Variants in TENT4B observed in about 807,000 individuals in gnomAD.
TENT4B encodes the protein PAP associated domain containing 5.
In TENT4B, 10 loss-of-function variants were observed where a neutral mutation model predicts 75.0. That is an observed-to-expected ratio of 0.13 (90% CI 0.08 to 0.23). The LOEUF (loss-of-function observed/expected upper bound fraction) is 0.23, where lower values mean the gene tolerates loss of function less well. TENT4B is among the 10% of genes least tolerant of loss of function. The probability of loss-of-function intolerance (pLI) is 1.00; values close to 1 mark genes in which losing one functional copy is unlikely to be tolerated. For synonymous variants in TENT4B, 350 were observed against 357.7 expected (o/e 0.98, Z 0.24); for missense variants, 579 against 893.8 (o/e 0.65, Z 4.49).
At chr16:50,201,175 A>G (rs762536143) in intron 1 of TENT4B, among the ~76,000 whole-genome samples, 8 of 152,158 alleles carry the variant, frequency 5.3e-5, no homozygotes, top group Non-Finnish European at 8.8e-5. Context: ...TGTACACATT[A>G]TGTTTTTGGT....
At chr16:50,165,909 G>C (rs946861960) in intron 1 of TENT4B, among the ~76,000 whole-genome samples, 5 of 152,038 alleles carry the variant, frequency 3.3e-5, no homozygotes, top group African/African-American at 1.2e-4. Flanking sequence ...TTATGTGAAC[G>C]TGTTTTCATT....
intron 1 of TENT4B, among the ~76,000 whole-genome samples, chr16:50,205,555 T>G: frequency 7.8e-6 from 1 of 128,464 alleles, no homozygotes; most frequent in African/African-American, 2.9e-5. Flanking sequence ...TGTGTTTACA[T>G]GTCTTTTTTT....
chr16:50,184,702 T>C (rs933452387), intron 1 of TENT4B, among the ~76,000 whole-genome samples: 8 of 151,884 alleles, frequency 5.3e-5, no homozygotes, highest in Non-Finnish European at 7.4e-5. Flanking sequence ...GCTGCCATCA[T>C]GCTTGAGGGT....
In TENT4B at chr16:50,178,390, G is replaced by A. The variant is rs1472211667; in HGVS notation, c.638+24131G>A. On this transcript the variant is annotated intron_variant, in intron 1 of 11. Transcript: ENST00000561678. ...AGCCCTGGAGGTTGAGGCTACATGA[G>A]CCATGATCGCACCACTGTACTCCAG... 4.6e-5 allele frequency among the ~76,000 whole-genome samples: 7 copies of A among 151,898 alleles called. No individual in the cohort carries two copies. The East Asian group carries it at 1.2e-3, about 25-fold the overall frequency.
chr16:50,205,539 T>C (rs999809196), intron 1 of TENT4B, among the ~76,000 whole-genome samples: 2 of 144,620 alleles, frequency 1.4e-5, no homozygotes, highest in Non-Finnish European at 3.0e-5. Flanking sequence ...TCTGCCTCTG[T>C]GTGTATGTGT....
At chr16:50,194,157 T>A (rs1233323538) in intron 1 of TENT4B, among the ~76,000 whole-genome samples, 1 of 152,156 alleles carries the variant, frequency 6.6e-6, no homozygotes, top group Non-Finnish European at 1.5e-5. Context: ...TTTTTTTCTC[T>A]TTTGAGATAG....
chr16:50,210,400 A>T (rs945407882), intron 1 of TENT4B, among the ~76,000 whole-genome samples: 4 of 152,120 alleles, frequency 2.6e-5, no homozygotes, highest in Admixed American at 2.6e-4. Flanking sequence ...CCCCACCACC[A>T]TGATAGTCAG....
Position 50,153,575 on chromosome 16 carries a change from C to G in TENT4B, c.-47C>G, listed in dbSNP as rs2037820533. On this transcript the variant is annotated 5_prime_UTR_variant, in exon 1 of 12. Coordinates refer to ENST00000561678, the MANE Select transcript of TENT4B (RefSeq NM_001365324.3). ...GCGCCTGAGGCGGCGGCGGCGGCGG[C>G]CCTGCGGGCGGCCGGGAGGGGCGGG... 1.0e-6 allele frequency: 1 copy of G among 978,288 alleles called. No homozygotes were observed. Among genetic ancestry groups the G allele is most frequent in the Non-Finnish European group, 1.2e-6 (1 of 827,122 alleles). 60.6% of individuals were successfully genotyped at this position (978,288 alleles called of 1,614,324 possible).
At chr16:50,206,821 C>T (rs902275036) in intron 1 of TENT4B, among the ~76,000 whole-genome samples, 2 of 152,048 alleles carry the variant, frequency 1.3e-5, no homozygotes, top group Non-Finnish European at 2.9e-5. Flanking sequence ...TTGAACCTCC[C>T]ACCCCATGAC....
intron 1 of TENT4B, among the ~76,000 whole-genome samples, chr16:50,195,292 C>T (rs933973332): frequency 2.6e-5 from 4 of 152,162 alleles, no homozygotes; most frequent in African/African-American, 9.7e-5. Flanking sequence ...CCCTCCAAAG[C>T]ACAGCTAAGG....
In TENT4B at chr16:50,230,671, C is replaced by CT. The variant is rs1400069138; in HGVS notation, c.*1349dup. 8.1e-6 allele frequency: 8 copies of CT among 985,382 alleles called. No homozygotes were observed. In the East Asian group the frequency reaches 9.1e-4, roughly 112 times the overall value. 61.0% of individuals were successfully genotyped at this position (985,382 alleles called of 1,614,324 possible). On this transcript the variant is annotated 3_prime_UTR_variant, in exon 12 of 12. Coordinates refer to ENST00000561678, the MANE Select transcript of TENT4B (RefSeq NM_001365324.3). ...ATGGAATTGTTATCGTTAATTAAAA[C>CT]TTTTTTAAACATTGGCTTGTTTCAA...
intron 1 of TENT4B, among the ~76,000 whole-genome samples, chr16:50,188,792 G>A (rs1036455165): frequency 6.6e-6 from 1 of 152,160 alleles, no homozygotes; most frequent in Non-Finnish European, 1.5e-5. Flanking sequence ...TTTGAGGGCT[G>A]TAGTGAGCTG....
At chr16:50,182,438 C>T (rs541040523) in intron 1 of TENT4B, among the ~76,000 whole-genome samples, 164 of 152,244 alleles carry the variant, frequency 1.1e-3, no homozygotes, top group African/African-American at 3.8e-3. Context: ...AATACCTCTT[C>T]GTTATAAAGT....
chr16:50,167,074 G>A (rs1266619524), intron 1 of TENT4B, among the ~76,000 whole-genome samples: 1 of 152,090 alleles, frequency 6.6e-6, no homozygotes, highest in Non-Finnish European at 1.5e-5. Context: ...CAGGCATGTC[G>A]CTAGCATGCC....
intron 7 of TENT4B, 123 bp downstream of exon 7, chr16:50,223,510 A>G (rs1476104726): frequency 1.6e-5 from 11 of 684,368 alleles, no homozygotes; most frequent in Admixed American, 6.1e-5. Context: ...TTCTTTTTTC[A>G]TCGAAATATT....
Position 50,230,471 on chromosome 16 carries a change from T to C in TENT4B, c.*1143T>C, listed in dbSNP as rs889969552. On this transcript the variant is annotated 3_prime_UTR_variant, in exon 12 of 12. Coordinates refer to ENST00000561678, the MANE Select transcript of TENT4B (RefSeq NM_001365324.3). ...TGCTTAACTACTGTGGGAGAATAAC[T>C]GTAAACAGCTTTAATTAAATCATAC... 1.2e-5 allele frequency: 12 copies of C among 983,718 alleles called. No homozygotes were observed. Among genetic ancestry groups the C allele is most frequent in the Non-Finnish European group, 1.3e-5 (11 of 827,956 alleles). 60.9% of individuals were successfully genotyped at this position (983,718 alleles called of 1,614,324 possible).
At chr16:50,228,919 C>T (rs1162962467) in intron 11 of TENT4B, among the ~76,000 whole-genome samples, 2 of 152,086 alleles carry the variant, frequency 1.3e-5, no homozygotes, top group South Asian at 2.1e-4. Context: ...GTTAAGAAGG[C>T]GGGCGAGTGG....
chr16:50,191,343 C>G (rs2038634586), intron 1 of TENT4B, among the ~76,000 whole-genome samples: 1 of 152,126 alleles, frequency 6.6e-6, no homozygotes, highest in Non-Finnish European at 1.5e-5. Flanking sequence ...TACGAGGGCT[C>G]TGATTTCTTC....
intron 1 of TENT4B, among the ~76,000 whole-genome samples, chr16:50,180,896 C>T (rs561191129): frequency 6.6e-6 from 1 of 152,264 alleles, no homozygotes; most frequent in Non-Finnish European, 1.5e-5. Flanking sequence ...TGGAAGTCCT[C>T]AAACTTCCAA....
Sources: allele counts gnomAD v4.1 joint callset (sites outside exome capture counted in the v4.1 genomes callset), GRCh38; gene constraint gnomAD v4.1.1; transcripts MANE v1.5; gene names NCBI Gene and HGNC (gene_info 2026-07-23, HGNC 2026-07-21).